Variants in KMT2A observed in about 807,000 individuals in gnomAD.
The protein encoded by KMT2A is histone-lysine N-methyltransferase 2A.
In KMT2A, 16 loss-of-function variants were observed where a neutral mutation model predicts 345.3. That is an observed-to-expected ratio of 0.05 (90% CI 0.03 to 0.07). The LOEUF is 0.07. Ranked by LOEUF, KMT2A falls within the 10% of genes least tolerant of loss-of-function variation. KMT2A has a pLI of 1.00. For synonymous variants in KMT2A, 1,599 were observed against 1,778.6 expected (o/e 0.90, Z 2.54); for missense variants, 3,272 against 4,841.6 (o/e 0.68, Z 9.62).
intron 2 of KMT2A, among the ~76,000 whole-genome samples, chr11:118,469,800 A>C (rs1364619297): frequency 5.3e-5 from 8 of 152,250 alleles, no homozygotes; most frequent in Non-Finnish European, 7.3e-5. Context: ...GTCTCACTTA[A>C]GAGTCATCAT....
Position 118,499,793 on chromosome 11 carries a change from C to A in KMT2A, c.6080-42C>A, listed in dbSNP as rs782258416. On this transcript the variant is annotated intron_variant, in intron 23 of 35. Coordinates refer to ENST00000534358, the MANE Select transcript of KMT2A (RefSeq NM_001197104.2). ...AGACTCTCTCAAAAAAATAAAATGACGCTCATAATCTTCTCTAATCGGTTC... is the reference window on the plus strand; with the variant it reads ...AGACTCTCTCAAAAAAATAAAATGAAGCTCATAATCTTCTCTAATCGGTTC... The A allele has an allele frequency of 2.8e-6, 4 of 1,409,958 alleles. No individual in the cohort carries two copies. The African/African-American group carries it at 4.2e-5, about 15-fold the overall frequency. 87.3% of individuals were successfully genotyped at this position (1,409,958 alleles called of 1,614,324 possible).
rs9332761 is a variant in KMT2A at position 118,468,025 on chromosome 11, C to T, written c.433-750C>T. ...ACAAATCCTTTTTTTTTTTATAGAGCAGGTTAAAATTAGAGGTAAGCAGAA... is the reference window on the plus strand; with the variant it reads ...ACAAATCCTTTTTTTTTTTATAGAGTAGGTTAAAATTAGAGGTAAGCAGAA... On this transcript the variant is annotated intron_variant, in intron 1 of 35. Transcript: ENST00000534358. Among the ~76,000 whole-genome samples the T allele has an allele frequency of 2.9e-3, 445 of 151,304 alleles. 3 individuals are homozygous for T. Among genetic ancestry groups the T allele is most frequent in the African/African-American group, 0.01 (421 of 41,146 alleles).
chr11:118,505,849 A>G lies in KMT2A; in HGVS notation c.9957A>G (p.Thr3319=). Residue 3319 remains threonine, a synonymous_variant, in exon 27 of 36, where the codon ACA becomes ACG. Coordinates refer to ENST00000534358, the MANE Select transcript of KMT2A (RefSeq NM_001197104.2). This position sits in a 1 kb window ranked among gnomAD's most constrained non-coding sequence, Gnocchi z 4.6. ...GAACTGCTGCCACAGCGGCAGGCAC[A>G]TCAACAATAAGCCAGGATACTAGCC... ...VGGTAATAAG[T]STISQDTSHL... The G allele has an allele frequency of 6.2e-7, 1 of 1,614,184 alleles. No individual in the cohort carries two copies. The highest frequency in any genetic ancestry group is 1.7e-5 in the Admixed American group (1 of 60,030).
chr11:118,473,377 G>A lies in KMT2A; in HGVS notation c.2218G>A (p.Val740Met). The change falls in exon 3 of 36, where the codon GTG (valine) becomes ATG (methionine). Residue 740 changes from valine (V) to methionine (M), a missense_variant. By Grantham distance (21) the Val-to-Met change is conservative. Around this residue, in one of 27 missense-constraint regions of KMT2A, gnomAD observed 114 missense variants for 203.2 expected, o/e 0.56. Coordinates refer to ENST00000534358, the MANE Select transcript of KMT2A (RefSeq NM_001197104.2). This position sits in a 1 kb window ranked among gnomAD's most constrained non-coding sequence, Gnocchi z 5.2. ...GVSNRKRKRK[V>M]FSPIRSEPRS... The stretch of plus-strand genomic sequence containing the variant: ...ATCCAATAGAAAAAGGAAAAGAAAA[G>A]TGTTTAGTCCTATTCGATCTGAACC... 2 of 1,614,058 alleles carry A rather than the reference G, an allele frequency of 1.2e-6. No homozygotes were observed. The highest frequency in any genetic ancestry group is 1.7e-6 in the Non-Finnish European group (2 of 1,179,996).
intron 1 of KMT2A, among the ~76,000 whole-genome samples, chr11:118,452,186 G>C (rs1172965106): frequency 6.6e-6 from 1 of 152,108 alleles, no homozygotes; most frequent in Non-Finnish European, 1.5e-5. Flanking sequence ...AGACCATAGT[G>C]CACACAACTA....
Position 118,473,847 on chromosome 11 carries a change from A to C in KMT2A, c.2688A>C (p.Gly896=), listed in dbSNP as rs1202668388. ...RESRKEKRKK[G]SEIQSSSALY... ...CAAGGAAAGAGAAAAGGAAAAAGGG[A>C]TCAGAAATTCAGAGTAGTTCTGCTT... The change falls in exon 3 of 36, where the codon GGA becomes GGC. Residue 896 remains glycine (G), a synonymous_variant. Coordinates refer to ENST00000534358, the MANE Select transcript of KMT2A (RefSeq NM_001197104.2). The surrounding 1 kb of genome is among the most constrained non-coding windows in gnomAD (Gnocchi z 5.2). 6.2e-7 allele frequency: 1 copy of C among 1,614,106 alleles called. No homozygotes were observed. Among genetic ancestry groups the C allele is most frequent in the African/African-American group, 1.3e-5 (1 of 74,938 alleles).
In KMT2A at chr11:118,501,195, C is replaced by T. The variant is rs575038604; in HGVS notation, c.6319+48C>T. The T allele has an allele frequency of 1.9e-5, 30 of 1,554,564 alleles. 2 individuals are homozygous for T. The highest frequency in any genetic ancestry group is 1.3e-4 in the South Asian group (11 of 87,456). ...ACTTGAGGCTGGGCACAGTGGCTCA[C>T]GCCTGTAATCGCAGCACTTTGGGAG... On this transcript the variant is annotated intron_variant, in intron 25 of 35. Transcript: ENST00000534358.
Position 118,481,575 on chromosome 11 carries a change from T to C in KMT2A, c.3635-140T>C, listed in dbSNP as rs1179584034. 7 of 854,412 alleles carry C rather than the reference T, an allele frequency of 8.2e-6. No individual in the cohort carries two copies. The South Asian group carries it at 1.1e-4, about 14-fold the overall frequency. The allele number at this position is 854,412 out of a possible 1,614,324, so 52.9% of individuals were successfully genotyped here. A position where few individuals can be genotyped will look rare whatever the true frequency, so the allele number is the denominator to read the frequency against. On this transcript the variant is annotated intron_variant, in intron 6 of 35. Coordinates refer to ENST00000534358, the MANE Select transcript of KMT2A (RefSeq NM_001197104.2). ...TGCAGGAAACATGAGAGTGCAGATA[T>C]CTCTTTGATATACTGATTTCCTTTA...
At chr11:118,489,005 G>A (rs747091987) in intron 11 of KMT2A, among the ~76,000 whole-genome samples, 4 of 152,080 alleles carry the variant, frequency 2.6e-5, no homozygotes, top group Non-Finnish European at 4.4e-5. Flanking sequence ...CGGATCACTT[G>A]AAGCCAGGAG....
rs782182788 is a variant in KMT2A at position 118,495,953 on chromosome 11, G to A, written c.5557+60G>A. On this transcript the variant is annotated intron_variant, in intron 19 of 35. Coordinates refer to ENST00000534358, the MANE Select transcript of KMT2A (RefSeq NM_001197104.2). This position sits in a 1 kb window ranked among gnomAD's most constrained non-coding sequence, Gnocchi z 4.1. The stretch of plus-strand genomic sequence containing the variant: ...CCTCTAGATGCAGATGATTGACTTC[G>A]TGAATCCAATTCACTAAAATTAGAT... 59 of 1,378,978 alleles carry A rather than the reference G, an allele frequency of 4.3e-5. No homozygotes were observed. The highest frequency in any genetic ancestry group is 8.7e-5 in the African/African-American group (6 of 68,750). The allele number at this position is 1,378,978 out of a possible 1,614,324, so 85.4% of individuals were successfully genotyped here. A position where few individuals can be genotyped will look rare whatever the true frequency, so the allele number is the denominator to read the frequency against.
At chr11:118,480,152 G>A (rs1163956020) in intron 5 of KMT2A, 22 bp from the exon 6 acceptor site, 13 of 1,589,766 alleles carry the variant, frequency 8.2e-6, no homozygotes, top group Non-Finnish European at 1.1e-5. Flanking sequence ...TTTGTTTCAT[G>A]GTTTATTCGT....
At position 118,436,933 on chromosome 11, in the gene KMT2A, G is replaced by A. The variant is rs1323586763; in HGVS notation, c.421G>A (p.Gly141Ser). ...AVFGESGGGG[G>S]SGEDEQFLGF... ...GTTTGGGGAGAGCGGCGGGGGAGGC[G>A]GCAGCGGAGAGGTAAGGGGGCGAGG... Residue 141 changes from glycine to serine, a missense_variant, in exon 1 of 36, where the codon GGC becomes AGC. Physicochemically the swap from Gly to Ser is moderately conservative, Grantham distance 56. This residue lies in a region of KMT2A where 412 missense variants were observed against 511.0 expected (regional missense o/e 0.81). Transcript: ENST00000534358. The surrounding 1 kb of genome is among the most constrained non-coding windows in gnomAD (Gnocchi z 6.9). The A allele has an allele frequency of 3.9e-5, 60 of 1,536,924 alleles. No individual in the cohort carries two copies. The highest frequency in any genetic ancestry group is 5.2e-5 in the Non-Finnish European group (59 of 1,139,016).
At chr11:118,461,034 TTAG>T (rs1387538420) in intron 1 of KMT2A, among the ~76,000 whole-genome samples, 1 of 152,246 alleles carries the variant, frequency 6.6e-6, no homozygotes, top group African/African-American at 2.4e-5. Context: ...AAAAGTTGTC[TTAG>T]TAGTACATAA....
In KMT2A at chr11:118,436,684, C is replaced by G. The variant is rs1217431375; in HGVS notation, c.172C>G (p.Pro58Ala). ...CGGCCCCGGGGCGCCCCCCTCCCCC[C>G]CGGCTGTGGCGGCCGCGGCGGCGGC... The part of the protein sequence containing the change: ...GGGPGAPPSP[P>A]AVAAAAAAAG... The change falls in exon 1 of 36, where the codon CCG becomes GCG. Residue 58 changes from proline (P) to alanine (A), a missense_variant. By Grantham distance (27) the Pro-to-Ala change is conservative (BLOSUM62 -1). Coordinates refer to ENST00000534358, the MANE Select transcript of KMT2A (RefSeq NM_001197104.2). The surrounding 1 kb of genome is among the most constrained non-coding windows in gnomAD (Gnocchi z 6.9). 1.6e-6 allele frequency: 2 copies of G among 1,275,100 alleles called. No homozygotes were observed. Among genetic ancestry groups the G allele is most frequent in the South Asian group, 3.1e-5 (1 of 32,014 alleles). 79.0% of individuals were successfully genotyped at this position (1,275,100 alleles called of 1,614,324 possible). A position where few individuals can be genotyped will look rare whatever the true frequency, so the allele number is the denominator to read the frequency against.
chr11:118,506,771 G>C, intron 27 of KMT2A, 125 bp downstream of exon 27: 1 of 1,012,616 alleles, frequency 9.9e-7, no homozygotes, highest in Non-Finnish European at 1.4e-6. Context: ...GGAGTTTTCC[G>C]GGTTTTGACT....
chr11:118,523,854 A>G lies in KMT2A; in HGVS notation c.*1682A>G. 4.9e-6 allele frequency: 1 copy of G among 202,978 alleles called. No homozygotes were observed. Among genetic ancestry groups the G allele is most frequent in the East Asian group, 7.6e-5 (1 of 13,128 alleles). The allele number at this position is 202,978 out of a possible 1,614,324, so 12.6% of individuals were successfully genotyped here. A position where few individuals can be genotyped will look rare whatever the true frequency, so the allele number is the denominator to read the frequency against. ...TTTCCTGGGTTTGCTCTTTGACAAT[A>G]AATGGAGAAGGAAGGTCACCCAACT... is the stretch of plus-strand genomic sequence containing the variant. On this transcript the variant is annotated 3_prime_UTR_variant, in exon 36 of 36. Transcript: ENST00000534358.
rs1412070432 is a variant in KMT2A, at chr11:118,523,951, A to AT, written c.*1781dup. On this transcript the variant is annotated 3_prime_UTR_variant, in exon 36 of 36. Coordinates refer to ENST00000534358, the MANE Select transcript of KMT2A (RefSeq NM_001197104.2). ...CTACAGTAATATCTTGATACAACAG[A>AT]TTCTCTTCTTTCCCGCCTCTCTCCT... 1.2e-4 allele frequency: 24 copies of AT among 203,390 alleles called. No individual in the cohort carries two copies. In the Admixed American group the frequency reaches 1.4e-3, roughly 12 times the overall value. The allele number at this position is 203,390 out of a possible 1,614,324, so 12.6% of individuals were successfully genotyped here.
intron 1 of KMT2A, among the ~76,000 whole-genome samples, chr11:118,459,430 GCATGTTTGAGATGCCTACCA>G (rs1555031876): frequency 6.6e-6 from 1 of 152,108 alleles, no homozygotes; most frequent in Non-Finnish European, 1.5e-5. Context: ...CTGCTAAAGG[GCATGTTTGAGATGCCTACCA>G]CTTAATTAAG....
intron 1 of KMT2A, among the ~76,000 whole-genome samples, chr11:118,465,631 C>T (rs782345096): frequency 2.6e-4 from 40 of 152,128 alleles, no homozygotes; most frequent in Non-Finnish European, 4.9e-4. Flanking sequence ...CCTAAACCAA[C>T]CCTTCTCTCC....
Sources: gnomAD v4.1 joint callset for allele counts (sites outside exome capture counted in the v4.1 genomes callset) on GRCh38, gnomAD v4.1.1 for gene constraint, gnomAD v4.1.1 regional missense constraint, Gnocchi (gnomAD v3.1) non-coding constraint, MANE v1.5 for transcripts, NCBI Gene and HGNC (gene_info 2026-07-23, HGNC 2026-07-21) for gene names.